The following CAST variants were observed in gnomAD, a reference collection of about 807,000 sequenced individuals.
The protein encoded by CAST is MIR583 host.
Under a neutral mutation model 119.6 loss-of-function variants are expected in CAST, and 76 were observed. The ratio of observed to expected loss-of-function variants is 0.64; its 90% CI spans 0.53 to 0.77. The LOEUF (loss-of-function observed/expected upper bound fraction) is 0.77. CAST is among the 30% of genes least tolerant of loss of function. CAST has a pLI of 0.00. For missense variants in CAST, 953 were observed against 946.5 expected, an observed-to-expected ratio of 1.01 and a Z score of -0.09; for synonymous variants, 319 against 331.6, an observed-to-expected ratio of 0.96 and a Z score of 0.41.
chr5:96,539,853 T>G (rs1745045019), intron 1 of CAST, among the ~76,000 whole-genome samples: 1 of 152,208 alleles, frequency 6.6e-6, no homozygotes, highest in Non-Finnish European at 1.5e-5. Flanking sequence ...ACTACTGAGA[T>G]GGTTGGGTTT....
At chr5:96,117,918 A>G in the CAST span, among the ~76,000 whole-genome samples, 1 of 152,160 alleles carries the variant, frequency 6.6e-6, no homozygotes, top group Non-Finnish European at 1.5e-5. Context: ...CCCTGTTTCT[A>G]AGATAGTCTG....
At chr5:96,498,912 C>T in the CAST span, among the ~76,000 whole-genome samples, 224 of 151,996 alleles carry the variant, frequency 1.5e-3, no homozygotes, top group Non-Finnish European at 2.1e-3. Context: ...CTATGGAGGA[C>T]CATTCTTCTT....
At chr5:96,402,735 T>C in the CAST span, among the ~76,000 whole-genome samples, 2 of 152,214 alleles carry the variant, frequency 1.3e-5, no homozygotes, top group South Asian at 4.2e-4. Context: ...TTTGGCTTGT[T>C]GAATTAATAG....
the CAST span, among the ~76,000 whole-genome samples, chr5:96,098,830 T>G: frequency 6.6e-6 from 1 of 152,178 alleles, no homozygotes; most frequent in East Asian, 1.9e-4. Context: ...CCATATGAAT[T>G]TTTAAGTGTT....
At position 96,561,767 on chromosome 5, in the gene CAST, A is replaced by G. The variant is rs566033417; in HGVS notation, c.60+31887A>G. ...GATATATATGTCCATATATATGTATATATGTGTATTATATATATGTTTTTT... is the reference window on the plus strand; with the variant it reads ...GATATATATGTCCATATATATGTATGTATGTGTATTATATATATGTTTTTT... On this transcript the variant is annotated intron_variant, in intron 1 of 11. Coordinates refer to the CAST transcript ENST00000505143. Among the ~76,000 whole-genome samples, 427 of 143,994 alleles carry G rather than the reference A, an allele frequency of 3.0e-3. 2 individuals are homozygous for G. Among genetic ancestry groups the G allele is most frequent in the Non-Finnish European group, 4.9e-3 (320 of 65,874 alleles). The allele number at this position is 143,994 out of a possible 152,430, so 94.5% of individuals were successfully genotyped here.
the CAST span, among the ~76,000 whole-genome samples, chr5:96,434,370 T>C: frequency 1.3e-5 from 2 of 152,190 alleles, no homozygotes; most frequent in East Asian, 1.9e-4. Flanking sequence ...TGCTCTCTCT[T>C]CTGAGCACCA....
the CAST span, among the ~76,000 whole-genome samples, chr5:96,289,592 G>T: frequency 1.9e-4 from 29 of 152,228 alleles, no homozygotes; most frequent in African/African-American, 6.5e-4. Flanking sequence ...TGCCATGATT[G>T]TGTGGCCTCC....
At chr5:96,325,382 T>C in the CAST span, among the ~76,000 whole-genome samples, 4,991 of 147,206 alleles carry the variant, frequency 0.034, 84 homozygotes, top group South Asian at 0.047. Flanking sequence ...TTCTTTCTTC[T>C]TTCTTTCTTT....
the CAST span, among the ~76,000 whole-genome samples, chr5:96,474,399 T>C: frequency 6.7e-6 from 1 of 149,966 alleles, no homozygotes; most frequent in Non-Finnish European, 1.5e-5. Context: ...ATCATCTCCA[T>C]ATTCAAAGTC....
chr5:96,079,925 T>A, the CAST span, among the ~76,000 whole-genome samples: 1 of 152,182 alleles, frequency 6.6e-6, no homozygotes, highest in African/African-American at 2.4e-5. Context: ...TTCTAGTCTT[T>A]TAAAAAGCAA....
chr5:96,186,606 T>A, the CAST span, among the ~76,000 whole-genome samples: 1 of 152,266 alleles, frequency 6.6e-6, no homozygotes, highest in Non-Finnish European at 1.5e-5. Flanking sequence ...TTGAGATAAT[T>A]ATGTGGTTTT....
intron 1 of CAST, among the ~76,000 whole-genome samples, chr5:96,674,527 G>C (rs1481871233): frequency 6.6e-6 from 1 of 152,010 alleles, no homozygotes; most frequent in Non-Finnish European, 1.5e-5. Context: ...GACAGAAATG[G>C]AATAATTCTT....
the CAST span, among the ~76,000 whole-genome samples, chr5:96,431,032 C>T: frequency 8.5e-5 from 13 of 152,256 alleles, no homozygotes; most frequent in Admixed American, 3.3e-4. Flanking sequence ...TCCCCAGTCT[C>T]CTCCTACACG....
the CAST span, among the ~76,000 whole-genome samples, chr5:96,417,100 G>A: frequency 1.3e-5 from 2 of 152,174 alleles, no homozygotes; most frequent in Admixed American, 6.5e-5. Flanking sequence ...TTAGCTCGGA[G>A]CAATAATGTT....
chr5:96,588,196 C>T (rs373802923), intron 1 of CAST, among the ~76,000 whole-genome samples: 68 of 75,820 alleles, frequency 9.0e-4, no homozygotes, highest in East Asian at 1.9e-3. Context: ...TTCTTTCTTT[C>T]TTTTTTTTTT....
At chr5:96,482,649 T>C in the CAST span, among the ~76,000 whole-genome samples, 1 of 152,142 alleles carries the variant, frequency 6.6e-6, no homozygotes, top group Admixed American at 6.6e-5. Flanking sequence ...CTACCAACTC[T>C]GATCTGGTGA....
intron 3 of CAST, among the ~76,000 whole-genome samples, chr5:96,718,353 A>G (rs1757557081): frequency 2.0e-5 from 3 of 152,194 alleles, no homozygotes; most frequent in Non-Finnish European, 1.5e-5. Context: ...AGAGGGAGCA[A>G]TAATATCAGA....
intron 3 of CAST, among the ~76,000 whole-genome samples, chr5:96,705,077 T>C (rs1481614574): frequency 6.6e-6 from 1 of 152,126 alleles, no homozygotes; most frequent in Non-Finnish European, 1.5e-5. Flanking sequence ...CTCAGCACTT[T>C]AGAAGGCCAA....
chr5:96,017,659 A>C, the CAST span, among the ~76,000 whole-genome samples: 1 of 152,216 alleles, frequency 6.6e-6, no homozygotes, highest in South Asian at 2.1e-4. Flanking sequence ...CTGGGGGCAC[A>C]CAAAAAATGT....
Sources: gnomAD v4.1 joint callset for allele counts (sites outside exome capture counted in the v4.1 genomes callset) on GRCh38, gnomAD v4.1.1 for gene constraint, MANE v1.5 for transcripts, NCBI Gene and HGNC (gene_info 2026-07-23, HGNC 2026-07-21) for gene names.